FRMPD4: variants seen among roughly 807,000 people sequenced by gnomAD.
FRMPD4 encodes the protein FERM and PDZ domain-containing protein 4.
In FRMPD4, 22 loss-of-function variants were observed where a neutral mutation model predicts 94.1. That is an observed-to-expected ratio of 0.23 (90% CI 0.17 to 0.33). The LOEUF is 0.33. FRMPD4 is among the 10% of genes least tolerant of loss of function. The pLI, the probability that FRMPD4 is intolerant of heterozygous loss-of-function variation, is 1.00. For missense variants in FRMPD4, 1,111 were observed against 1,339.9 expected (o/e 0.83, Z 2.67); for synonymous variants, 631 against 548.6 (o/e 1.15, Z -2.10).
At chrX:12,607,270 A>G (rs911522720) in intron 2 of FRMPD4, among the ~76,000 whole-genome samples, 9 of 111,364 alleles carry the variant, frequency 8.1e-5, no homozygotes, top group African/African-American at 1.6e-4. Flanking sequence ...ATCCATCCCA[A>G]GCATATACCA....
intron 1 of FRMPD4, among the ~76,000 whole-genome samples, chrX:12,496,728 T>G (rs1179892205): frequency 8.9e-6 from 1 of 112,079 alleles, no homozygotes; most frequent in African/African-American, 3.2e-5. Context: ...TGTCAACACA[T>G]TAACAGACAT....
At chrX:12,102,313 A>G (rs1440727063) in intron 3 of FRMPD4, among the ~76,000 whole-genome samples, 1 of 112,091 alleles carries the variant, frequency 8.9e-6, no homozygotes, top group Non-Finnish European at 1.9e-5. Flanking sequence ...TATAAGACAT[A>G]CCAGAATACA....
At chrX:12,425,711 G>A (rs1469100731) in intron 1 of FRMPD4, among the ~76,000 whole-genome samples, 7 of 111,808 alleles carry the variant, frequency 6.3e-5, no homozygotes, top group Non-Finnish European at 9.4e-5. Flanking sequence ...GCAACTCCCC[G>A]CAAGAAAGAA....
At chrX:12,005,098 A>G (rs1356534282) in intron 3 of FRMPD4, among the ~76,000 whole-genome samples, 2 of 112,253 alleles carry the variant, frequency 1.8e-5, no homozygotes, top group Non-Finnish European at 3.8e-5. Flanking sequence ...ATATGTATTT[A>G]TTAGAGTTAA....
intron 3 of FRMPD4, among the ~76,000 whole-genome samples, chrX:11,914,775 ATTTC>A (rs2054015711): frequency 8.9e-6 from 1 of 112,159 alleles, no homozygotes; most frequent in Non-Finnish European, 1.9e-5. Context: ...GGAAAAAATT[ATTTC>A]TGTGGATATT....
chrX:11,896,604 T>G (rs1302173843), intron 3 of FRMPD4, among the ~76,000 whole-genome samples: 1 of 112,121 alleles, frequency 8.9e-6, no homozygotes, highest in African/African-American at 3.2e-5. Context: ...CCTCTAGAAC[T>G]GTGAAAAATA....
intron 2 of FRMPD4, among the ~76,000 whole-genome samples, chrX:12,541,811 C>A (rs1446921376): frequency 8.9e-6 from 1 of 111,768 alleles, no homozygotes; most frequent in Non-Finnish European, 1.9e-5. Flanking sequence ...AGACCAATAT[C>A]CCTGATGAAC....
rs745410296 is a variant in FRMPD4 at position 12,194,109 on chromosome X, T to C, written c.41+55097T>C. On this transcript the variant is annotated intron_variant, in intron 1 of 16. Transcript: ENST00000675598. ...ATGCTAGAATTTAGAGTATTACTCT[T>C]GGGTATTTGGCTGCTGTTTTTGCCC... is the stretch of plus-strand genomic sequence containing the variant. 3.6e-5 allele frequency among the ~76,000 whole-genome samples: 4 copies of C among 110,127 alleles called. No individual in the cohort carries two copies. In the East Asian group the frequency reaches 1.2e-3, roughly 32 times the overall value.
At chrX:12,399,704 T>A (rs1346483289) in intron 1 of FRMPD4, among the ~76,000 whole-genome samples, 1 of 111,715 alleles carries the variant, frequency 9.0e-6, no homozygotes, top group African/African-American at 3.2e-5. Context: ...GTCTTCATCC[T>A]CAACATCTTC....
intron 1 of FRMPD4, among the ~76,000 whole-genome samples, chrX:12,424,659 G>C (rs1381588622): frequency 8.9e-6 from 1 of 112,448 alleles, no homozygotes. Flanking sequence ...CCTATCTGAA[G>C]TTCAGACTTC....
At chrX:11,925,503 TA>T (rs1203169722) in intron 3 of FRMPD4, among the ~76,000 whole-genome samples, 1 of 111,926 alleles carries the variant, frequency 8.9e-6, no homozygotes, top group African/African-American at 3.2e-5. Context: ...ACAATCGAAG[TA>T]AAACACTCTT....
chrX:12,180,947 C>T (rs1361133560), intron 1 of FRMPD4, among the ~76,000 whole-genome samples: 1 of 112,187 alleles, frequency 8.9e-6, no homozygotes, highest in Non-Finnish European at 1.9e-5. Flanking sequence ...TGACATTGGC[C>T]TGGGAGTCTT....
chrX:12,158,821 T>C (rs1268069803), intron 1 of FRMPD4, among the ~76,000 whole-genome samples: 1 of 112,233 alleles, frequency 8.9e-6, no homozygotes, highest in Admixed American at 9.4e-5. Flanking sequence ...TTGTTTCTAC[T>C]GAGCATATTC....
At chrX:12,546,360 T>C (rs1194484913) in intron 2 of FRMPD4, among the ~76,000 whole-genome samples, 1 of 111,286 alleles carries the variant, frequency 9.0e-6, no homozygotes, top group Non-Finnish European at 1.9e-5. Flanking sequence ...GTATTTTTCG[T>C]AGAGACCAGG....
chrX:12,561,137 T>C (rs989333030), intron 2 of FRMPD4, among the ~76,000 whole-genome samples: 8 of 111,911 alleles, frequency 7.1e-5, no homozygotes, highest in African/African-American at 2.6e-4. Flanking sequence ...GTTATTTATC[T>C]ATTTTTACTT....
chrX:12,572,006 T>G (rs761803846), intron 2 of FRMPD4, among the ~76,000 whole-genome samples: 1 of 112,398 alleles, frequency 8.9e-6, no homozygotes, highest in South Asian at 3.7e-4. Flanking sequence ...CTTAGCATAT[T>G]TCTGAAGCAA....
chrX:12,354,467 C>T (rs2055864379), intron 1 of FRMPD4, among the ~76,000 whole-genome samples: 1 of 112,028 alleles, frequency 8.9e-6, no homozygotes, highest in African/African-American at 3.2e-5. Context: ...AATCTTCAGA[C>T]TTATTAAAGA....
chrX:12,231,393 A>G (rs2057006346), intron 1 of FRMPD4, among the ~76,000 whole-genome samples: 1 of 109,589 alleles, frequency 9.1e-6, no homozygotes, highest in Non-Finnish European at 1.9e-5. Flanking sequence ...AGCAGTTAAC[A>G]CATGGCTTGG....
In FRMPD4 at chrX:12,041,255, T is replaced by G. The variant is rs1400671128; in HGVS notation, c.95+163237T>G. On this transcript the variant is annotated intron_variant, in intron 3 of 18. Coordinates refer to the FRMPD4 transcript ENST00000640291. ...GTCTTTTATATATACACATATATGGTTCAGTGTTCCTACTTTCTTCCTATG... is the reference window on the plus strand; with the variant it reads ...GTCTTTTATATATACACATATATGGGTCAGTGTTCCTACTTTCTTCCTATG... Among the ~76,000 whole-genome samples, 10 of 112,207 alleles carry G rather than the reference T, an allele frequency of 8.9e-5. No individual in the cohort carries two copies. In the Admixed American group the frequency reaches 9.4e-4, roughly 11 times the overall value.
Sources: gnomAD v4.1 joint callset for allele counts (sites outside exome capture counted in the v4.1 genomes callset) on GRCh38, gnomAD v4.1.1 for gene constraint, MANE v1.5 for transcripts, NCBI Gene and HGNC (gene_info 2026-07-23, HGNC 2026-07-21) for gene names.